The following CACNA2D3 variants were observed in gnomAD, a reference collection of about 807,000 sequenced individuals.
CACNA2D3 encodes the protein voltage-dependent calcium channel subunit alpha-2/delta-3.
CACNA2D3 carries 60 observed loss-of-function variants against 160.6 expected under a neutral mutation model. The observed-to-expected ratio is 0.37, with a 90% CI of 0.30 to 0.46. The LOEUF (loss-of-function observed/expected upper bound fraction) is 0.46, where lower values mean the gene tolerates loss of function less well. Ranked by LOEUF, CACNA2D3 falls within the 20% of genes least tolerant of loss-of-function variation. CACNA2D3 has a pLI of 1.00. For synonymous variants in CACNA2D3, 558 were observed against 492.9 expected (o/e 1.13, Z -1.75); for missense variants, 1,205 against 1,365.0 (o/e 0.88, Z 1.85).
intron 2 of CACNA2D3, among the ~76,000 whole-genome samples, chr3:54,141,000 C>T (rs1699915519): frequency 6.6e-6 from 1 of 151,450 alleles, no homozygotes; most frequent in African/African-American, 2.4e-5. Context: ...GGCTCGTTGG[C>T]ACCTCTCTGT....
rs1559595813 is a variant in CACNA2D3 at position 54,822,825 on chromosome 3, T to TTTCTC, written c.1398+5956_1398+5957insTCTCT. Among the ~76,000 whole-genome samples the TTTCTC allele has an allele frequency of 3.0e-4, 27 of 90,966 alleles. 1 individual carries two copies. Among genetic ancestry groups the TTTCTC allele is most frequent in the African/African-American group, 1.1e-3 (22 of 19,194 alleles). 59.7% of individuals were successfully genotyped at this position (90,966 alleles called of 152,430 possible). A position where few individuals can be genotyped will look rare whatever the true frequency, so the allele number is the denominator to read the frequency against. The stretch of plus-strand genomic sequence containing the variant: ...TTTCTTTCTTTCTTTCTTTCTTTCT[T>TTTCTC]TCTTTCTTTTCTTTCTTTCTTTCTT... On this transcript the variant is annotated intron_variant, in intron 14 of 37. Coordinates refer to ENST00000474759, the MANE Select transcript of CACNA2D3 (RefSeq NM_018398.3).
At chr3:54,572,315 C>T (rs369949447) in intron 8 of CACNA2D3, among the ~76,000 whole-genome samples, 17 of 152,314 alleles carry the variant, frequency 1.1e-4, no homozygotes, top group African/African-American at 3.1e-4. Context: ...GTATCCCCAG[C>T]ACCTAGGCAG....
chr3:55,012,843 A>G (rs888779757), intron 34 of CACNA2D3, among the ~76,000 whole-genome samples: 1 of 152,114 alleles, frequency 6.6e-6, no homozygotes, highest in African/African-American at 2.4e-5. Context: ...TGACTAAGGG[A>G]GCCAGGTATG....
At chr3:54,837,724 A>G (rs1345536148) in intron 15 of CACNA2D3, among the ~76,000 whole-genome samples, 1 of 152,142 alleles carries the variant, frequency 6.6e-6, no homozygotes, top group African/African-American at 2.4e-5. Flanking sequence ...GGCCCCCAGC[A>G]TTCCTTGGCT....
intron 4 of CACNA2D3, among the ~76,000 whole-genome samples, chr3:54,438,576 T>C (rs1700093960): frequency 6.6e-6 from 1 of 152,204 alleles, no homozygotes; most frequent in South Asian, 2.1e-4. Flanking sequence ...AACGACTGAA[T>C]TGAATTATTA....
At chr3:54,463,122 G>C (rs144773478) in intron 4 of CACNA2D3, among the ~76,000 whole-genome samples, 8 of 151,954 alleles carry the variant, frequency 5.3e-5, no homozygotes, top group Non-Finnish European at 1.0e-4. Context: ...CTTCTGGCTT[G>C]TAGAGTTTCC....
At chr3:54,260,720 T>C (rs1015567397) in intron 2 of CACNA2D3, among the ~76,000 whole-genome samples, 1 of 152,190 alleles carries the variant, frequency 6.6e-6, no homozygotes, top group African/African-American at 2.4e-5. Flanking sequence ...GGTATTCTTT[T>C]TTTTTTCCTT....
rs1324663437 is a variant in CACNA2D3, at chr3:54,377,319, C to T, written c.322-9396C>T. 2.6e-5 allele frequency among the ~76,000 whole-genome samples: 4 copies of T among 152,148 alleles called. No individual in the cohort carries two copies. The East Asian group carries it at 7.7e-4, about 29-fold the overall frequency. On this transcript the variant is annotated intron_variant, in intron 3 of 37. Coordinates refer to ENST00000474759, the MANE Select transcript of CACNA2D3 (RefSeq NM_018398.3). ...AGATGCACAGCCTTGTGTTTTTGAA[C>T]ACAAGATTTGGAGTCCTTTTCTTGG...
intron 4 of CACNA2D3, among the ~76,000 whole-genome samples, chr3:54,496,858 C>G (rs1701211151): frequency 6.6e-6 from 1 of 152,120 alleles, no homozygotes; most frequent in African/African-American, 2.4e-5. Flanking sequence ...TTTGCTTCAG[C>G]ACAGTTTGTT....
At chr3:54,643,953 A>T (rs1009063431) in intron 11 of CACNA2D3, among the ~76,000 whole-genome samples, 2 of 152,226 alleles carry the variant, frequency 1.3e-5, no homozygotes, top group Non-Finnish European at 2.9e-5. Flanking sequence ...CCATTTATAA[A>T]AGCAGAAGAA....
chr3:54,421,282 T>C (rs981758121), intron 4 of CACNA2D3, among the ~76,000 whole-genome samples: 1 of 152,252 alleles, frequency 6.6e-6, no homozygotes, highest in African/African-American at 2.4e-5. Context: ...TTTATTGTTT[T>C]CTTGGATGTG....
At chr3:54,481,162 C>A (rs909466025) in intron 4 of CACNA2D3, among the ~76,000 whole-genome samples, 1 of 152,122 alleles carries the variant, frequency 6.6e-6, no homozygotes, top group Non-Finnish European at 1.5e-5. Flanking sequence ...GAAAGAGTGG[C>A]CTCTGGCTAG....
At position 54,778,694 on chromosome 3, in the gene CACNA2D3, G is replaced by A. The variant is rs528571971; in HGVS notation, c.1380+14343G>A. On this transcript the variant is annotated intron_variant, in intron 13 of 37. Coordinates refer to ENST00000474759, the MANE Select transcript of CACNA2D3 (RefSeq NM_018398.3). ...GCATCCTCAATATATGATCAGGCAC[G>A]TAGTAAGTATATGTATAGAATCAGA... 6.6e-5 allele frequency among the ~76,000 whole-genome samples: 10 copies of A among 152,304 alleles called. No individual in the cohort carries two copies. In the East Asian group the frequency reaches 7.7e-4, roughly 12 times the overall value.
intron 5 of CACNA2D3, among the ~76,000 whole-genome samples, chr3:54,537,450 T>G (rs1159625316): frequency 1.3e-5 from 2 of 152,100 alleles, no homozygotes; most frequent in Non-Finnish European, 2.9e-5. Flanking sequence ...GAGTCACTTA[T>G]TTTACAAACA....
chr3:54,718,456 G>A (rs753487507), intron 11 of CACNA2D3, among the ~76,000 whole-genome samples: 5 of 151,840 alleles, frequency 3.3e-5, no homozygotes, highest in South Asian at 2.1e-4. Flanking sequence ...ACGATTTATG[G>A]AAGACAGTTT....
intron 3 of CACNA2D3, among the ~76,000 whole-genome samples, chr3:54,338,090 A>G (rs1238825433): frequency 2.0e-5 from 3 of 152,248 alleles, no homozygotes; most frequent in Non-Finnish European, 2.9e-5. Context: ...GGAGCACTAT[A>G]GAAGAAGTAA....
intron 20 of CACNA2D3, among the ~76,000 whole-genome samples, chr3:54,880,150 C>G (rs190234338): frequency 5.7e-4 from 87 of 152,284 alleles, no homozygotes; most frequent in African/African-American, 2.1e-3. Flanking sequence ...CCATGTGGAA[C>G]CAGGAGCAAA....
intron 2 of CACNA2D3, among the ~76,000 whole-genome samples, chr3:54,285,144 G>A (rs1481808331): frequency 1.3e-5 from 2 of 152,306 alleles, no homozygotes; most frequent in African/African-American, 2.4e-5. Flanking sequence ...TGTCTCACTC[G>A]GGAAGCGCAA....
chr3:54,250,330 A>G (rs1702163679), intron 2 of CACNA2D3, among the ~76,000 whole-genome samples: 1 of 152,182 alleles, frequency 6.6e-6, no homozygotes, highest in Non-Finnish European at 1.5e-5. Flanking sequence ...ATGTGAGGTA[A>G]TGTCTGTTAA....
Sources: gnomAD v4.1 joint callset for allele counts (sites outside exome capture counted in the v4.1 genomes callset) on GRCh38, gnomAD v4.1.1 for gene constraint, MANE v1.5 for transcripts, NCBI Gene and HGNC (gene_info 2026-07-23, HGNC 2026-07-21) for gene names.